The following ARHGAP10 variants were observed in gnomAD, a reference collection of about 807,000 sequenced individuals.
ARHGAP10 encodes the protein Rho GTPase activating protein 10.
Under a neutral mutation model 108.6 loss-of-function variants are expected in ARHGAP10, and 87 were observed. That is an observed-to-expected ratio of 0.80 (90% CI 0.67 to 0.96). The LOEUF is 0.96. ARHGAP10 is among the 40% of genes least tolerant of loss of function. ARHGAP10 has a pLI of 0.00. For missense variants in ARHGAP10, 939 were observed against 954.5 expected (o/e 0.98, Z 0.21); for synonymous variants, 347 against 341.1 (o/e 1.02, Z -0.19).
chr4:148,045,301 A>G (rs972634388), intron 19 of ARHGAP10, among the ~76,000 whole-genome samples: 1 of 152,040 alleles, frequency 6.6e-6, no homozygotes, highest in Non-Finnish European at 1.5e-5. Flanking sequence ...CATTTCTGAG[A>G]TTTTCTCTCT....
At chr4:147,774,152 ATAGT>A (rs1053567741) in intron 1 of ARHGAP10, among the ~76,000 whole-genome samples, 6 of 151,804 alleles carry the variant, frequency 4.0e-5, no homozygotes, top group Admixed American at 6.6e-5. Flanking sequence ...TGCCTGGCAC[ATAGT>A]TAGCCCTGTA....
chr4:147,962,958 G>A (rs576484925), intron 16 of ARHGAP10, among the ~76,000 whole-genome samples: 5 of 152,278 alleles, frequency 3.3e-5, no homozygotes, highest in African/African-American at 1.2e-4. Context: ...ACTGTGCCTG[G>A]CCACCACTCC....
At chr4:147,981,864 T>C (rs935509701) in intron 18 of ARHGAP10, among the ~76,000 whole-genome samples, 10 of 152,330 alleles carry the variant, frequency 6.6e-5, no homozygotes, top group South Asian at 2.1e-4. Flanking sequence ...TTTTCTGATA[T>C]ATGTATAAGA....
chr4:148,018,187 G>T (rs1741422719), intron 18 of ARHGAP10, among the ~76,000 whole-genome samples: 1 of 152,114 alleles, frequency 6.6e-6, no homozygotes, highest in Admixed American at 6.6e-5. Flanking sequence ...GTTTTGAATA[G>T]ATGTAATCTC....
At chr4:147,844,252 T>C (rs1310974365) in intron 3 of ARHGAP10, among the ~76,000 whole-genome samples, 1 of 152,226 alleles carries the variant, frequency 6.6e-6, no homozygotes, top group Non-Finnish European at 1.5e-5. Flanking sequence ...ATATTAGATA[T>C]TTTGATAGAG....
At chr4:147,998,254 A>C (rs1740557591) in intron 18 of ARHGAP10, among the ~76,000 whole-genome samples, 1 of 152,194 alleles carries the variant, frequency 6.6e-6, no homozygotes, top group African/African-American at 2.4e-5. Context: ...GAGGGCCTAC[A>C]TGTATAAAAA....
intron 10 of ARHGAP10, among the ~76,000 whole-genome samples, chr4:147,900,216 T>G (rs979963987): frequency 1.3e-5 from 2 of 152,204 alleles, no homozygotes; most frequent in African/African-American, 2.4e-5. Flanking sequence ...ATGCTTGGGC[T>G]GAGGGTGGTG....
At chr4:147,866,861 A>G in intron 7 of ARHGAP10, 45 bp downstream of exon 7, 1 of 1,471,452 alleles carries the variant, frequency 6.8e-7, no homozygotes, top group Non-Finnish European at 9.5e-7. Context: ...TTTGAAAAGT[A>G]TTTTTCATTT....
chr4:147,979,584 A>G (rs1303265371), intron 18 of ARHGAP10, among the ~76,000 whole-genome samples: 3 of 152,078 alleles, frequency 2.0e-5, no homozygotes, highest in Admixed American at 6.6e-5. Flanking sequence ...GACATTGGCA[A>G]TTTGATAGAA....
intron 1 of ARHGAP10, among the ~76,000 whole-genome samples, chr4:147,762,114 TCTC>T (rs1378336505): frequency 1.3e-5 from 2 of 152,138 alleles, no homozygotes; most frequent in Non-Finnish European, 2.9e-5. Flanking sequence ...TTCAAGCTAT[TCTC>T]CTGCTTCAGC....
At chr4:147,871,955 T>C (rs534441283) in intron 7 of ARHGAP10, among the ~76,000 whole-genome samples, 1 of 151,834 alleles carries the variant, frequency 6.6e-6, no homozygotes, top group African/African-American at 2.4e-5. Context: ...AGAGAAAAAT[T>C]AGCTGGAGGT....
intron 18 of ARHGAP10, among the ~76,000 whole-genome samples, chr4:148,004,994 C>T (rs1740887846): frequency 1.3e-5 from 2 of 152,204 alleles, no homozygotes; most frequent in African/African-American, 2.4e-5. Flanking sequence ...ATGGAACCAT[C>T]TCCAAGACAC....
At chr4:148,042,581 C>T (rs1161274895) in intron 19 of ARHGAP10, among the ~76,000 whole-genome samples, 1 of 152,198 alleles carries the variant, frequency 6.6e-6, no homozygotes, top group Non-Finnish European at 1.5e-5. Flanking sequence ...GCACTCCCAC[C>T]TGTCTTTCGC....
At chr4:147,955,445 A>G in intron 16 of ARHGAP10, 71 bp downstream of exon 16, 2 of 1,373,182 alleles carry the variant, frequency 1.5e-6, no homozygotes, top group South Asian at 1.3e-5. Context: ...AAATTTCCAT[A>G]TGAAAAATTC....
chr4:147,813,999 TTTC>T (rs2126775719), intron 1 of ARHGAP10, among the ~76,000 whole-genome samples: 1 of 152,354 alleles, frequency 6.6e-6, no homozygotes, highest in East Asian at 1.9e-4. Flanking sequence ...AGTAATTTAT[TTTC>T]TTCTTTTTTT....
chr4:147,852,760 C>A (rs1341493410), intron 4 of ARHGAP10, among the ~76,000 whole-genome samples: 2 of 141,482 alleles, frequency 1.4e-5, no homozygotes, highest in Admixed American at 1.5e-4. Flanking sequence ...CCCTTGTCAC[C>A]CAGGCTGGAG....
chr4:147,787,360 G>A (rs1730928994), intron 1 of ARHGAP10, among the ~76,000 whole-genome samples: 1 of 152,032 alleles, frequency 6.6e-6, no homozygotes, highest in South Asian at 2.1e-4. Flanking sequence ...TTCAGTTTAG[G>A]AAACACATGA....
intron 3 of ARHGAP10, among the ~76,000 whole-genome samples, chr4:147,824,343 C>CT (rs1732620454): frequency 6.6e-6 from 1 of 151,404 alleles, no homozygotes. Flanking sequence ...AATACGGATT[C>CT]TTTTTTCTAT....
intron 15 of ARHGAP10, among the ~76,000 whole-genome samples, chr4:147,953,679 T>A (rs1162728910): frequency 1.3e-5 from 2 of 152,040 alleles, no homozygotes; most frequent in Non-Finnish European, 2.9e-5. Flanking sequence ...TTGATCAATT[T>A]TACTGATTAT....
Sources: gnomAD v4.1 joint callset for allele counts (sites outside exome capture counted in the v4.1 genomes callset) on GRCh38, gnomAD v4.1.1 for gene constraint, MANE v1.5 for transcripts, NCBI Gene and HGNC (gene_info 2026-07-23, HGNC 2026-07-21) for gene names.